Variants in WDR45 observed in about 807,000 individuals in gnomAD.
The protein encoded by WDR45 is WD repeat domain 45.
In WDR45, 2 loss-of-function variants were observed where a neutral mutation model predicts 27.3. The ratio of observed to expected loss-of-function variants is 0.07; its 90% CI spans 0.03 to 0.23. The LOEUF (loss-of-function observed/expected upper bound fraction) is 0.23. WDR45 is among the 10% of genes least tolerant of loss of function. The probability of loss-of-function intolerance (pLI) is 1.00; values close to 1 mark genes in which losing one functional copy is unlikely to be tolerated. For missense variants in WDR45, 175 were observed against 311.9 expected (o/e 0.56, Z 3.31); for synonymous variants, 99 against 119.2 (o/e 0.83, Z 1.11).
chrX:49,087,036 G>T (rs1184348579), intron 2 of WDR45, among the ~76,000 whole-genome samples: 1 of 107,258 alleles, frequency 9.3e-6, no homozygotes, highest in Non-Finnish European at 1.9e-5. Flanking sequence ...TACTGTTTTT[G>T]TTTTTTTGTT....
intron 4 of WDR45, 91 bp downstream of exon 4, chrX:49,077,552 C>T (rs1304359606): frequency 1.6e-5 from 13 of 803,629 alleles, no homozygotes; most frequent in Non-Finnish European, 2.4e-5. Context: ...CTGAAGTACT[C>T]TGACGTCTTC....
intron 2 of WDR45, among the ~76,000 whole-genome samples, chrX:49,088,780 T>C (rs2065094762): frequency 9.0e-6 from 1 of 111,164 alleles, no homozygotes; most frequent in South Asian, 3.7e-4. Context: ...ACCCAGGAGT[T>C]TGAGGTGCAG....
chrX:49,086,721 G>A (rs1557085962), intron 2 of WDR45, among the ~76,000 whole-genome samples: 1 of 111,011 alleles, frequency 9.0e-6, no homozygotes, highest in African/African-American at 3.3e-5. Flanking sequence ...AGCCTCCTGA[G>A]TAGTGGGGAT....
chrX:49,076,785 G>A (rs2065040642), intron 4 of WDR45, 35 bp from the exon 5 acceptor site: 1 of 1,128,500 alleles, frequency 8.9e-7, no homozygotes, highest in Non-Finnish European at 1.2e-6. Flanking sequence ...CGGGGCCAAG[G>A]TTTAGGGTAA....
intron 2 of WDR45, among the ~76,000 whole-genome samples, chrX:49,099,019 C>T (rs1015131505): frequency 3.6e-5 from 4 of 111,553 alleles, no homozygotes; most frequent in Non-Finnish European, 7.5e-5. Context: ...AAGCCAGCCA[C>T]TCTCAGAAAC....
intron 2 of WDR45, among the ~76,000 whole-genome samples, chrX:49,085,654 T>A (rs982741844): frequency 3.6e-5 from 4 of 112,583 alleles, no homozygotes; most frequent in Non-Finnish European, 7.5e-5. Flanking sequence ...GGTGAGCAGA[T>A]TGCTTGAGCC....
Position 49,076,202 on chromosome X carries a change from C to T in WDR45, c.436+228G>A, listed in dbSNP as rs903929169. On this transcript the variant is annotated intron_variant, in intron 6 of 10. Coordinates refer to ENST00000376372, the MANE Select transcript of WDR45 (RefSeq NM_001029896.2). ...CCTGACACACCCACCCATGTCCTCACGAGGTGTTTTTGCTCTGCCACTGGG... is the reference window on the plus strand; with the variant it reads ...CCTGACACACCCACCCATGTCCTCATGAGGTGTTTTTGCTCTGCCACTGGG... 8.3e-5 allele frequency: 39 copies of T among 469,374 alleles called. No homozygotes were observed. In the Middle Eastern group the frequency reaches 1.8e-3, roughly 22 times the overall value. The allele number at this position is 469,374 out of a possible 1,213,427, so 38.7% of individuals were successfully genotyped here. A position where few individuals can be genotyped will look rare whatever the true frequency, so the allele number is the denominator to read the frequency against.
chrX:49,099,791 A>G (rs868938931), intron 2 of WDR45, among the ~76,000 whole-genome samples: 1 of 99,387 alleles, frequency 1.0e-5, no homozygotes, highest in Non-Finnish European at 2.0e-5. Flanking sequence ...AAAAAAAAAA[A>G]AACAAAAAAA....
chrX:49,100,353 G>A lies in WDR45; in HGVS notation c.-166C>T, dbSNP rs1029269965. 2.4e-4 allele frequency: 26 copies of A among 108,203 alleles called. No individual in the cohort carries two copies. The Admixed American group carries it at 2.4e-3, about 10-fold the overall frequency. 8.9% of individuals were successfully genotyped at this position (108,203 alleles called of 1,213,427 possible). On this transcript the variant is annotated 5_prime_UTR_variant, in exon 2 of 12. Coordinates refer to the WDR45 transcript ENST00000356463. ...GGGTTCACGCCATCCTCCTGCCTCA[G>A]CCTCCTGAGTAGCTGGGACTACAGG...
In WDR45 at chrX:49,074,946, T is replaced by TGCCACA. The variant is rs782322203; in HGVS notation, c.974-40_974-35dup. Reference sequence around the variant, plus strand: ...GGGGGGGTGGTAAAAGGTCAGAGGCTGCCACAGCCACAGGCTCCAGTCCTC... The same window carrying TGCCACA: ...GGGGGGGTGGTAAAAGGTCAGAGGCTGCCACAGCCACAGCCACAGGCTCCAGTCCTC... On this transcript the variant is annotated intron_variant, in intron 10 of 10. Transcript: ENST00000376372. 3 of 1,152,325 alleles carry TGCCACA rather than the reference T, an allele frequency of 2.6e-6. No homozygotes were observed. In the Admixed American group the frequency reaches 6.5e-5, roughly 25 times the overall value. 95.0% of individuals were successfully genotyped at this position (1,152,325 alleles called of 1,213,427 possible).
At chrX:49,095,617 C>T (rs1472986864) in intron 2 of WDR45, among the ~76,000 whole-genome samples, 7 of 107,660 alleles carry the variant, frequency 6.5e-5, no homozygotes, top group Non-Finnish European at 1.2e-4. Flanking sequence ...CCCGCCACCA[C>T]GCCCAGCTAA....
chrX:49,084,334 G>A (rs1219556780), upstream of WDR45, among the ~76,000 whole-genome samples: 1 of 108,472 alleles, frequency 9.2e-6, no homozygotes, highest in African/African-American at 3.3e-5. Flanking sequence ...ACAGGCATGA[G>A]CCACCATGCC....
intron 2 of WDR45, among the ~76,000 whole-genome samples, chrX:49,097,865 T>C (rs1241106916): frequency 3.7e-5 from 4 of 108,342 alleles, no homozygotes; most frequent in Non-Finnish European, 5.7e-5. Context: ...ACCATGTTGG[T>C]CAGGCCGGTC....
At chrX:49,083,319 T>G (rs1557085486), upstream of WDR45, among the ~76,000 whole-genome samples, 1 of 100,371 alleles carries the variant, frequency 1.0e-5, no homozygotes, top group Non-Finnish European at 2.0e-5. Context: ...GCCTCTCGTT[T>G]TTTTTTTTTT....
chrX:49,076,947 C>T, intron 4 of WDR45, 197 bp from the exon 5 acceptor site: 1 of 422,484 alleles, frequency 2.4e-6, no homozygotes, highest in Non-Finnish European at 4.2e-6. Context: ...CTGTTACACT[C>T]ATCTACAGAT....
chrX:49,095,015 CG>C (rs782556114), intron 2 of WDR45, among the ~76,000 whole-genome samples: 1 of 108,987 alleles, frequency 9.2e-6, no homozygotes, highest in East Asian at 3.0e-4. Context: ...CTCAAACTCC[CG>C]ACCTCAGGTG....
intron 2 of WDR45, among the ~76,000 whole-genome samples, chrX:49,089,796 A>AG (rs2065098173): frequency 9.4e-6 from 1 of 106,511 alleles, no homozygotes; most frequent in African/African-American, 3.5e-5. Flanking sequence ...CAAAAAAAAA[A>AG]AAAAAAAGAA....
chrX:49,081,340 C>A (rs782372301), upstream of WDR45, among the ~76,000 whole-genome samples: 56 of 106,629 alleles, frequency 5.3e-4, 3 homozygotes, highest in South Asian at 0.013. Flanking sequence ...ATCAGCCTGG[C>A]CAGCATGGTG....
intron 2 of WDR45, among the ~76,000 whole-genome samples, chrX:49,087,691 A>G (rs2065091083): frequency 8.9e-6 from 1 of 112,119 alleles, no homozygotes; most frequent in South Asian, 3.7e-4. Context: ...GAGCAGAGCC[A>G]AGAGAAGATT....
Sources: allele counts gnomAD v4.1 joint callset (sites outside exome capture counted in the v4.1 genomes callset), GRCh38; gene constraint gnomAD v4.1.1; transcripts MANE v1.5; gene names NCBI Gene and HGNC (gene_info 2026-07-23, HGNC 2026-07-21).